DPP10: variants seen among roughly 807,000 people sequenced by gnomAD.
DPP10 encodes dipeptidyl peptidase like 10.
In DPP10, 33 loss-of-function variants were observed where a neutral mutation model predicts 120.9. That is an observed-to-expected ratio of 0.27 (90% confidence interval 0.21 to 0.37). The LOEUF (loss-of-function observed/expected upper bound fraction) is 0.37, where lower values mean the gene tolerates loss of function less well. Among genes scored for constraint, DPP10 ranks in the 10% least tolerant of loss-of-function variants. DPP10 has a pLI of 1.00. For missense variants in DPP10, 816 were observed against 942.8 expected (o/e 0.87, Z 1.76); for synonymous variants, 337 against 326.1 (o/e 1.03, Z -0.36).
intron 1 of DPP10, among the ~76,000 whole-genome samples, chr2:115,265,522 C>T (rs1417357254): frequency 6.6e-6 from 1 of 151,906 alleles, no homozygotes; most frequent in Non-Finnish European, 1.5e-5. Context: ...TACATGCATA[C>T]ATGAAGCAAA....
chr2:114,915,413 A>C (rs1021754534), intron 1 of DPP10, among the ~76,000 whole-genome samples: 15 of 152,160 alleles, frequency 9.9e-5, no homozygotes, highest in Admixed American at 6.5e-4. Flanking sequence ...AGACTTCAAC[A>C]CTCCACTGAC....
At chr2:115,733,074 G>A (rs1248134267) in intron 8 of DPP10, among the ~76,000 whole-genome samples, 1 of 152,152 alleles carries the variant, frequency 6.6e-6, no homozygotes, top group Non-Finnish European at 1.5e-5. Flanking sequence ...CTTCATAGAT[G>A]ACATGGGCCT....
chr2:114,654,995 A>T (rs1310013905), intron 1 of DPP10, among the ~76,000 whole-genome samples: 1 of 152,176 alleles, frequency 6.6e-6, no homozygotes, highest in African/African-American at 2.4e-5. Flanking sequence ...GCCATATTGT[A>T]TTCTTTGACT....
chr2:115,643,207 T>C (rs1404013339), intron 5 of DPP10, among the ~76,000 whole-genome samples: 1 of 152,184 alleles, frequency 6.6e-6, no homozygotes, highest in African/African-American at 2.4e-5. Flanking sequence ...AGTGGGTTAG[T>C]TTTATATAAA....
At chr2:114,793,859 G>A (rs1683460543) in intron 1 of DPP10, among the ~76,000 whole-genome samples, 1 of 152,056 alleles carries the variant, frequency 6.6e-6, no homozygotes, top group Admixed American at 6.6e-5. Flanking sequence ...TGCATGAATT[G>A]TTTTGTAATT....
chr2:115,021,187 T>C (rs202013467), intron 1 of DPP10, among the ~76,000 whole-genome samples: 1 of 151,776 alleles, frequency 6.6e-6, no homozygotes, highest in Admixed American at 6.6e-5. Context: ...AGCTACGAAA[T>C]TGAAACAAAC....
chr2:115,741,651 A>G (rs958242693), intron 9 of DPP10, among the ~76,000 whole-genome samples: 41 of 152,278 alleles, frequency 2.7e-4, no homozygotes, highest in African/African-American at 7.9e-4. Flanking sequence ...GAATACAATC[A>G]CATCTGACTG....
In DPP10 at chr2:115,765,536, T is replaced by G. The variant is rs1223732519; in HGVS notation, c.1114-2761T>G. 4.6e-5 allele frequency among the ~76,000 whole-genome samples: 7 copies of G among 152,228 alleles called. No individual in the cohort carries two copies. In the East Asian group the frequency reaches 1.4e-3, roughly 29 times the overall value. On this transcript the variant is annotated intron_variant, in intron 12 of 25. Coordinates refer to ENST00000410059, the MANE Select transcript of DPP10 (RefSeq NM_020868.6). ...AAGTTAATAGATCAATATAATAGAGTGCATTGGAAGCCATGATAAAGATGA... is the reference window on the plus strand; with the variant it reads ...AAGTTAATAGATCAATATAATAGAGGGCATTGGAAGCCATGATAAAGATGA...
chr2:115,437,906 T>G (rs1252530535), intron 3 of DPP10, among the ~76,000 whole-genome samples: 2 of 152,144 alleles, frequency 1.3e-5, no homozygotes, highest in Admixed American at 1.3e-4. Flanking sequence ...TATGTCTCAT[T>G]TTATTAAATT....
intron 1 of DPP10, among the ~76,000 whole-genome samples, chr2:115,003,414 C>CTCT (rs1478503190): frequency 1.3e-5 from 2 of 151,950 alleles, no homozygotes; most frequent in Non-Finnish European, 2.9e-5. Context: ...TTATTGGGTA[C>CTCT]TATGCTCATT....
At position 115,766,986 on chromosome 2, in the gene DPP10, T is replaced by C. The variant is rs765262053; in HGVS notation, c.1114-1311T>C. On this transcript the variant is annotated intron_variant, in intron 12 of 25. Transcript: ENST00000410059. ...ATTTCAATACGACATGAGATTTGGG[T>C]GGTACACAGATCCAAACTATATCAG... is the stretch of plus-strand genomic sequence containing the variant. Among the ~76,000 whole-genome samples, 53 of 152,108 alleles carry C rather than the reference T, an allele frequency of 3.5e-4. 1 individual carries two copies. The highest frequency in any genetic ancestry group is 3.7e-4 in the Non-Finnish European group (25 of 68,018).
intron 1 of DPP10, among the ~76,000 whole-genome samples, chr2:115,003,545 A>T (rs1701599307): frequency 6.6e-6 from 1 of 152,126 alleles, no homozygotes; most frequent in South Asian, 2.1e-4. Context: ...AAAAAAAAAC[A>T]AACAGAAAAG....
At chr2:114,904,307 C>T (rs1029662689) in intron 1 of DPP10, among the ~76,000 whole-genome samples, 13 of 152,134 alleles carry the variant, frequency 8.5e-5, no homozygotes, top group Non-Finnish European at 1.0e-4. Context: ...TTGGAAATGA[C>T]AAAAAGTGAG....
At chr2:115,456,265 A>C (rs2073533065) in intron 3 of DPP10, among the ~76,000 whole-genome samples, 1 of 152,172 alleles carries the variant, frequency 6.6e-6, no homozygotes, top group Admixed American at 6.5e-5. Context: ...ATTATATATC[A>C]TCTCACGCCA....
intron 3 of DPP10, among the ~76,000 whole-genome samples, chr2:115,455,996 A>ACAG (rs1217838427): frequency 2.0e-5 from 3 of 152,220 alleles, no homozygotes; most frequent in African/African-American, 7.2e-5. Flanking sequence ...GAGTTTCTGC[A>ACAG]CAGCAAAAGA....
intron 25 of DPP10, among the ~76,000 whole-genome samples, chr2:115,841,899 A>G (rs1440691138): frequency 6.6e-6 from 1 of 152,228 alleles, no homozygotes; most frequent in Non-Finnish European, 1.5e-5. Flanking sequence ...GGAGAGGCCA[A>G]GGGCCTTTAG....
At chr2:114,683,814 C>G (rs1699191668) in intron 1 of DPP10, among the ~76,000 whole-genome samples, 1 of 151,840 alleles carries the variant, frequency 6.6e-6, no homozygotes. Context: ...GACATCAGCC[C>G]ATTCAAATGG....
At chr2:115,740,726 C>T (rs1677153608) in intron 9 of DPP10, among the ~76,000 whole-genome samples, 1 of 152,002 alleles carries the variant, frequency 6.6e-6, no homozygotes, top group Admixed American at 6.6e-5. Flanking sequence ...CCTCTGTATG[C>T]CATCTTTAAT....
At chr2:115,263,799 G>A (rs1465348833) in intron 1 of DPP10, among the ~76,000 whole-genome samples, 2 of 152,070 alleles carry the variant, frequency 1.3e-5, no homozygotes, top group Non-Finnish European at 2.9e-5. Flanking sequence ...TTATATACAT[G>A]TTAGATAGCG....
Sources: gnomAD v4.1 joint callset for allele counts (sites outside exome capture counted in the v4.1 genomes callset) on GRCh38, gnomAD v4.1.1 for gene constraint, MANE v1.5 for transcripts, NCBI Gene and HGNC (gene_info 2026-07-23, HGNC 2026-07-21) for gene names.